NKAIN3: variants seen among roughly 807,000 people sequenced by gnomAD.
NKAIN3 encodes sodium/potassium transporting ATPase interacting 3, also known as sodium/potassium-transporting ATPase subunit beta-1-interacting protein 3.
NKAIN3 carries 25 observed loss-of-function variants against 30.2 expected under a neutral mutation model. The ratio of observed to expected loss-of-function variants is 0.83; its 90% CI spans 0.60 to 1.16. NKAIN3 has a LOEUF of 1.16. Among genes scored for constraint, NKAIN3 ranks in the 50% most tolerant of loss-of-function variants. The probability of loss-of-function intolerance (pLI) is 0.00; values close to 1 mark genes in which losing one functional copy is unlikely to be tolerated. For synonymous variants in NKAIN3, 91 were observed against 89.6 expected, an observed-to-expected ratio of 1.02 and a Z score of -0.09; for missense variants, 225 against 254.1, an observed-to-expected ratio of 0.89 and a Z score of 0.78.
At chr8:62,605,594 T>C (rs1266560347) in intron 3 of NKAIN3, among the ~76,000 whole-genome samples, 1 of 151,842 alleles carries the variant, frequency 6.6e-6, no homozygotes, top group Non-Finnish European at 1.5e-5. Flanking sequence ...TCAAAACTAT[T>C]TGGAAGAAAG....
chr8:62,855,366 C>T (rs891789803), intron 4 of NKAIN3: 20 of 727,680 alleles, frequency 2.7e-5, no homozygotes, highest in Non-Finnish European at 3.9e-5. Context: ...CCATATGCCT[C>T]TTTCAGCATG....
At chr8:62,841,708 T>A (rs776992178) in intron 4 of NKAIN3, among the ~76,000 whole-genome samples, 2 of 152,178 alleles carry the variant, frequency 1.3e-5, no homozygotes, top group Non-Finnish European at 2.9e-5. Context: ...ATTTTCTTTA[T>A]CCAACTGTTG....
intron 1 of NKAIN3, among the ~76,000 whole-genome samples, chr8:62,285,368 G>A (rs184375928): frequency 1.0e-3 from 159 of 152,258 alleles, no homozygotes; most frequent in African/African-American, 3.7e-3. Context: ...TTTATGGGGG[G>A]AAATTCTAGC....
At chr8:62,414,601 A>G (rs549510094) in intron 1 of NKAIN3, among the ~76,000 whole-genome samples, 1 of 152,322 alleles carries the variant, frequency 6.6e-6, no homozygotes, top group Non-Finnish European at 1.5e-5. Context: ...ATTGGATCCA[A>G]TAAAGTACAA....
intron 4 of NKAIN3, among the ~76,000 whole-genome samples, chr8:62,861,944 A>G (rs953456451): frequency 6.6e-6 from 1 of 152,254 alleles, no homozygotes; most frequent in Non-Finnish European, 1.5e-5. Flanking sequence ...CTGAAAACAC[A>G]TAACTAGCCA....
chr8:62,815,025 G>T (rs1166344517), intron 4 of NKAIN3, among the ~76,000 whole-genome samples: 1 of 152,024 alleles, frequency 6.6e-6, no homozygotes, highest in Non-Finnish European at 1.5e-5. Flanking sequence ...AATAAAAAAT[G>T]ATAAAGGGGA....
At chr8:62,457,742 T>C (rs966482056) in intron 1 of NKAIN3, among the ~76,000 whole-genome samples, 45 of 152,220 alleles carry the variant, frequency 3.0e-4, no homozygotes, top group African/African-American at 1.1e-3. Context: ...ATTCCTATTA[T>C]ATTTTTAGTG....
chr8:62,690,461 C>A (rs760526966), intron 3 of NKAIN3, among the ~76,000 whole-genome samples: 2 of 152,194 alleles, frequency 1.3e-5, no homozygotes, highest in African/African-American at 4.8e-5. Flanking sequence ...GCTTTATTCT[C>A]GGAAGTACAC....
chr8:62,249,599 C>T (rs1440741803), intron 1 of NKAIN3, among the ~76,000 whole-genome samples: 2 of 152,196 alleles, frequency 1.3e-5, no homozygotes, highest in African/African-American at 2.4e-5. Flanking sequence ...TGCCTCAACT[C>T]TGTTAGTGAA....
intron 3 of NKAIN3, among the ~76,000 whole-genome samples, chr8:62,621,857 A>G (rs568232757): frequency 1.0e-3 from 157 of 152,108 alleles, no homozygotes; most frequent in Admixed American, 1.8e-3. Flanking sequence ...AGTTTCTCCC[A>G]ATGGTAACAT....
In NKAIN3 at chr8:62,739,464, G is replaced by A. The variant is rs562873769; in HGVS notation, c.274-7468G>A. Among the ~76,000 whole-genome samples, 7 of 152,030 alleles carry A rather than the reference G, an allele frequency of 4.6e-5. No individual in the cohort carries two copies. The South Asian group carries it at 1.5e-3, about 32-fold the overall frequency. ...CCAGAATTTATGTTGCTCTGATAGG[G>A]GCTCTTTTCAAACTGATGTCTTAAC... On this transcript the variant is annotated intron_variant, in intron 3 of 6. Transcript: ENST00000623646.
chr8:62,854,320 T>C (rs1276100686), intron 4 of NKAIN3, among the ~76,000 whole-genome samples: 1 of 152,168 alleles, frequency 6.6e-6, no homozygotes, highest in Non-Finnish European at 1.5e-5. Flanking sequence ...CTCACTATTA[T>C]TGTGTGGGAG....
chr8:62,795,957 C>T (rs997446210), intron 4 of NKAIN3, among the ~76,000 whole-genome samples: 1 of 152,072 alleles, frequency 6.6e-6, no homozygotes, highest in African/African-American at 2.4e-5. Context: ...ATCCAGATCC[C>T]AACCAAGCCT....
intron 4 of NKAIN3, among the ~76,000 whole-genome samples, chr8:62,823,648 GA>G (rs1818924797): frequency 1.3e-5 from 2 of 152,256 alleles, no homozygotes; most frequent in African/African-American, 4.8e-5. Flanking sequence ...TCCACTTCAA[GA>G]CAGCCACTTT....
At chr8:62,925,214 G>C (rs4352845) in intron 5 of NKAIN3, among the ~76,000 whole-genome samples, 118,489 of 152,076 alleles carry the variant, frequency 0.78, 47,005 homozygotes, top group East Asian at 0.97. Context: ...CTTACCTACC[G>C]TAGAATCTCA....
intron 3 of NKAIN3, among the ~76,000 whole-genome samples, chr8:62,616,616 T>A (rs1236694516): frequency 6.6e-6 from 1 of 152,110 alleles, no homozygotes; most frequent in Non-Finnish European, 1.5e-5. Context: ...TTTGTTTGTT[T>A]GTTTTTTGTT....
intron 3 of NKAIN3, among the ~76,000 whole-genome samples, chr8:62,674,502 C>T (rs1813409909): frequency 6.6e-6 from 1 of 152,204 alleles, no homozygotes; most frequent in South Asian, 2.1e-4. Context: ...TGAATGATTG[C>T]AGGTATCCTG....
intron 3 of NKAIN3, among the ~76,000 whole-genome samples, chr8:62,728,176 A>G (rs1432338338): frequency 2.6e-5 from 4 of 152,176 alleles, no homozygotes; most frequent in African/African-American, 9.7e-5. Context: ...GATCACATAC[A>G]CAAATGTAAA....
At chr8:62,651,962 C>T (rs1812633674) in intron 3 of NKAIN3, among the ~76,000 whole-genome samples, 1 of 152,116 alleles carries the variant, frequency 6.6e-6, no homozygotes, top group South Asian at 2.1e-4. Context: ...GTACAGCCTG[C>T]AGAACCATAA....
Sources: gnomAD v4.1 joint callset for allele counts (sites outside exome capture counted in the v4.1 genomes callset) on GRCh38, gnomAD v4.1.1 for gene constraint, MANE v1.5 for transcripts, NCBI Gene and HGNC (gene_info 2026-07-23, HGNC 2026-07-21) for gene names.